Variants in PGAP2 observed in about 807,000 individuals in gnomAD.
The protein encoded by PGAP2 is acyltransferase PGAP2.
Under a neutral mutation model 33.2 loss-of-function variants are expected in PGAP2, and 21 were observed. The observed-to-expected ratio is 0.63, with a 90% CI of 0.45 to 0.91. PGAP2 has a LOEUF of 0.91. PGAP2 is among the 40% of genes least tolerant of loss of function. The probability of loss-of-function intolerance (pLI) is 0.00; values close to 1 mark genes in which losing one functional copy is unlikely to be tolerated. For missense variants in PGAP2, 345 were observed against 424.0 expected, an observed-to-expected ratio of 0.81 and a Z score of 1.64; for synonymous variants, 161 against 172.9, an observed-to-expected ratio of 0.93 and a Z score of 0.54.
At chr11:3,822,594 A>C (rs1005635102) in intron 3 of PGAP2, among the ~76,000 whole-genome samples, 1 of 152,146 alleles carries the variant, frequency 6.6e-6, no homozygotes, top group Non-Finnish European at 1.5e-5. Context: ...TGATCATGCT[A>C]TTGCACTCCA....
At position 3,824,149 on chromosome 11, in the gene PGAP2, T is replaced by C. The variant is rs370692807; in HGVS notation, c.601+14T>C. 1 of 1,613,640 alleles carries C rather than the reference T, an allele frequency of 6.2e-7. No homozygotes were observed. Among genetic ancestry groups the C allele is most frequent in the Non-Finnish European group, 8.5e-7 (1 of 1,179,762 alleles). On this transcript the variant is annotated intron_variant, in intron 4 of 6. Transcript: ENST00000278243. ...CCGAGGACTTCAGTGGGTGCCTGGA[T>C]GAGGGAGGAGTGGGGAAGTGTTCCC... is the stretch of plus-strand genomic sequence containing the variant.
At chr11:3,805,266 T>TC (rs1408455021), upstream of PGAP2, among the ~76,000 whole-genome samples, 1 of 149,950 alleles carries the variant, frequency 6.7e-6, no homozygotes, top group African/African-American at 2.5e-5. Context: ...ATTCTTTTTT[T>TC]TTTTTTTTTT....
At chr11:3,801,365 G>A (rs181426663) in intron 1 of PGAP2, among the ~76,000 whole-genome samples, 157 of 152,094 alleles carry the variant, frequency 1.0e-3, no homozygotes, top group African/African-American at 3.7e-3. Context: ...TATCCCAGCC[G>A]GGCATGGTGG....
At chr11:3,803,418 C>T (rs1189413353) in intron 1 of PGAP2, among the ~76,000 whole-genome samples, 3 of 151,202 alleles carry the variant, frequency 2.0e-5, no homozygotes, top group Admixed American at 6.6e-5. Flanking sequence ...TGAGCCACCG[C>T]ACCCGGCCAT....
chr11:3,804,834 T>A (rs2084046939), upstream of PGAP2, among the ~76,000 whole-genome samples: 1 of 152,138 alleles, frequency 6.6e-6, no homozygotes, highest in African/African-American at 2.4e-5. Flanking sequence ...CCCAAGTAGC[T>A]GGGATTACAG....
chr11:3,806,291 A>G (rs1486013939), upstream of PGAP2, among the ~76,000 whole-genome samples: 3 of 151,732 alleles, frequency 2.0e-5, no homozygotes, highest in Non-Finnish European at 4.4e-5. Context: ...AAGGCAGAAA[A>G]CCTGAATCTA....
intron 3 of PGAP2, among the ~76,000 whole-genome samples, chr11:3,822,069 A>G (rs2088820626): frequency 6.6e-6 from 1 of 151,802 alleles, no homozygotes; most frequent in Admixed American, 6.6e-5. Flanking sequence ...CAAAAACAAA[A>G]GCAAAAACAA....
At chr11:3,820,020 G>C (rs187266854) in intron 3 of PGAP2, among the ~76,000 whole-genome samples, 2 of 152,122 alleles carry the variant, frequency 1.3e-5, no homozygotes, top group Non-Finnish European at 2.9e-5. Flanking sequence ...CCCAGTACCT[G>C]TTCCCAACAG....
intron 3 of PGAP2, among the ~76,000 whole-genome samples, chr11:3,820,560 T>C (rs2134860265): frequency 6.6e-6 from 1 of 152,202 alleles, no homozygotes; most frequent in East Asian, 1.9e-4. Context: ...CTCGGGAGAC[T>C]GAGGCAGGAG....
At chr11:3,804,747 G>A (rs1022985396), upstream of PGAP2, among the ~76,000 whole-genome samples, 2 of 151,956 alleles carry the variant, frequency 1.3e-5, no homozygotes, top group Non-Finnish European at 2.9e-5. Context: ...TCTCACCCAG[G>A]CTGGAGTGCA....
chr11:3,825,254 T>C lies in PGAP2; in HGVS notation c.818-74T>C, dbSNP rs371418430. ...GTTCTCTGTGGCAGACCAATGGTGG[T>C]GTGATTTATCAAGAGGCCTCTGAGC... On this transcript the variant is annotated intron_variant, in intron 6 of 6. Transcript: ENST00000278243. The C allele has an allele frequency of 4.5e-6, 7 of 1,567,088 alleles. No individual in the cohort carries two copies. In the Admixed American group the frequency reaches 5.1e-5, roughly 11 times the overall value.
intron 1 of PGAP2, among the ~76,000 whole-genome samples, chr11:3,800,747 G>C (rs1465427760): frequency 6.7e-6 from 1 of 150,244 alleles, no homozygotes; most frequent in Non-Finnish European, 1.5e-5. Context: ...GGGAGGCGGA[G>C]GTTGCAGTGA....
chr11:3,798,041 GTC>G (rs2082813879), intron 1 of PGAP2: 3 of 1,529,540 alleles, frequency 2.0e-6, no homozygotes, highest in African/African-American at 2.8e-5. Flanking sequence ...AGGCTTCCTA[GTC>G]TCTCTGCCCG....
chr11:3,798,146 A>T, intron 1 of PGAP2: 1 of 1,435,464 alleles, frequency 7.0e-7, no homozygotes, highest in Admixed American at 3.0e-5. Flanking sequence ...CAGGGCCCTA[A>T]ATCCTGACCC....
rs764026819 is a variant in PGAP2 at position 3,817,357 on chromosome 11, C to T, written c.170C>T (p.Thr57Met). ...KETTATHCGA[T>M]PCRMFSAASQ... Reference sequence around the variant, plus strand: ...TGTATCCCTCGTGCTGCTTAGGCCACGCCCTGCAGGATGTTCTCTGCGGCC... The same window carrying T: ...TGTATCCCTCGTGCTGCTTAGGCCATGCCCTGCAGGATGTTCTCTGCGGCC... The change falls in exon 3 of 7, where the codon ACG becomes ATG. Residue 57 changes from threonine (T) to methionine (M), a missense_variant. Around this residue, in one of 2 missense-constraint regions of PGAP2, gnomAD observed 311 missense variants for 353.6 expected, o/e 0.88. Transcript: ENST00000278243. 8.1e-6 allele frequency: 13 copies of T among 1,611,998 alleles called. No homozygotes were observed. The highest frequency in any genetic ancestry group is 2.2e-5 in the South Asian group (2 of 90,834).
Position 3,822,161 on chromosome 11 carries a change from G to A in PGAP2, c.349-1722G>A, listed in dbSNP as rs1309511276. Among the ~76,000 whole-genome samples, 7 of 151,558 alleles carry A rather than the reference G, an allele frequency of 4.6e-5. No individual in the cohort carries two copies. The East Asian group carries it at 5.9e-4, about 13-fold the overall frequency. ...GGGCGGATCACGAGGTCAGGAGATTGAGACCATCCTGGCTAACACGGTGAA... is the reference window on the plus strand; with the variant it reads ...GGGCGGATCACGAGGTCAGGAGATTAAGACCATCCTGGCTAACACGGTGAA... On this transcript the variant is annotated intron_variant, in intron 3 of 6. Transcript: ENST00000278243.
chr11:3,797,938 T>C (rs1189735444), exon 1 of PGAP2: 2 of 1,548,558 alleles, frequency 1.3e-6, no homozygotes, highest in African/African-American at 1.4e-5. Context: ...CGACTCGGGC[T>C]GAGGGAGCTC....
chr11:3,806,226 G>C (rs573147380), upstream of PGAP2, among the ~76,000 whole-genome samples: 24 of 152,034 alleles, frequency 1.6e-4, no homozygotes, highest in African/African-American at 5.3e-4. Flanking sequence ...GGGAACAATA[G>C]CCAGGAGCAG....
rs551489873 is a variant in PGAP2 at position 3,815,908 on chromosome 11, C to CAAAAA, written c.166-1443_166-1439dup. ...ACAAGCCCTCTCAGTCCTGCTCTAA[C>CAAAAA]AAAAAACGGCCAGACCCCTTTTTGC... On this transcript the variant is annotated intron_variant, in intron 2 of 6. Coordinates refer to ENST00000278243, the MANE Select transcript of PGAP2 (RefSeq NM_014489.4). 1.4e-3 allele frequency among the ~76,000 whole-genome samples: 219 copies of CAAAAA among 151,866 alleles called. 2 individuals are homozygous for CAAAAA. Among genetic ancestry groups the CAAAAA allele is most frequent in the South Asian group, 8.5e-4 (4 of 4,724 alleles).
Sources: allele counts gnomAD v4.1 joint callset (sites outside exome capture counted in the v4.1 genomes callset), GRCh38; gene constraint gnomAD v4.1.1; regional missense constraint gnomAD v4.1.1; transcripts MANE v1.5; gene names NCBI Gene and HGNC (gene_info 2026-07-23, HGNC 2026-07-21).